ZFC3H1: variants seen among roughly 807,000 people sequenced by gnomAD.
ZFC3H1 encodes the protein zinc finger C3H1-type containing.
Under a neutral mutation model 243.7 loss-of-function variants are expected in ZFC3H1, and 71 were observed. The ratio of observed to expected loss-of-function variants is 0.29; its 90% CI spans 0.24 to 0.36. The LOEUF (loss-of-function observed/expected upper bound fraction) is 0.36. Ranked by LOEUF, ZFC3H1 falls within the 10% of genes least tolerant of loss-of-function variation. The probability of loss-of-function intolerance (pLI) is 1.00; values close to 1 mark genes in which losing one functional copy is unlikely to be tolerated. For missense variants in ZFC3H1, 1,966 were observed against 2,317.1 expected (o/e 0.85, Z 3.11); for synonymous variants, 838 against 813.0 (o/e 1.03, Z -0.52).
chr12:71,646,829 C>T (rs746141296), intron 3 of ZFC3H1, among the ~76,000 whole-genome samples: 26 of 152,192 alleles, frequency 1.7e-4, no homozygotes, highest in South Asian at 2.1e-4. Context: ...CTATATGCTA[C>T]GTGAGGTAGC....
Position 71,656,552 on chromosome 12 carries a change from G to A in ZFC3H1, c.1015+333C>T, listed in dbSNP as rs75740654. ...ATAGGAGTAAAACCCTCCTTTACCC[G>A]ATAAGGGATACCTACAAAAAAATTA... On this transcript the variant is annotated intron_variant, in intron 2 of 34. Coordinates refer to ENST00000378743, the MANE Select transcript of ZFC3H1 (RefSeq NM_144982.5). 6,476 of 653,392 alleles carry A rather than the reference G, an allele frequency of 9.9e-3. 277 individuals carry two copies. The African/African-American group carries it at 0.1, about 10-fold the overall frequency. The allele number at this position is 653,392 out of a possible 1,614,324, so 40.5% of individuals were successfully genotyped here. A position where few individuals can be genotyped will look rare whatever the true frequency, so the allele number is the denominator to read the frequency against.
chr12:71,656,294 A>G lies in ZFC3H1; in HGVS notation c.1015+591T>C, dbSNP rs1042524338. ...TTAAAAGATAAATTTTACTGTATAT[A>G]AATTATATCTTAATAAAGAGGAAAA... is the stretch of plus-strand genomic sequence containing the variant. On this transcript the variant is annotated intron_variant, in intron 2 of 34. Coordinates refer to ENST00000378743, the MANE Select transcript of ZFC3H1 (RefSeq NM_144982.5). 11 of 352,968 alleles carry G rather than the reference A, an allele frequency of 3.1e-5. 1 individual carries two copies. In the Admixed American group the frequency reaches 3.6e-4, roughly 11 times the overall value. 21.9% of individuals were successfully genotyped at this position (352,968 alleles called of 1,614,324 possible). A position where few individuals can be genotyped will look rare whatever the true frequency, so the allele number is the denominator to read the frequency against.
At chr12:71,621,572 C>T (rs1880029978) in intron 24 of ZFC3H1, among the ~76,000 whole-genome samples, 2 of 152,202 alleles carry the variant, frequency 1.3e-5, no homozygotes, top group South Asian at 2.1e-4. Flanking sequence ...TTATCAAGTG[C>T]TGGGATTACA....
rs760068300 is a variant in ZFC3H1, at chr12:71,638,503, A to G, written c.1640T>C (p.Val547Ala). 1.9e-6 allele frequency: 3 copies of G among 1,610,242 alleles called. No homozygotes were observed. The highest frequency in any genetic ancestry group is 4.5e-5 in the East Asian group (2 of 44,744). Residue 547 changes from valine (V) to alanine (A), a missense_variant, in exon 7 of 35, where the codon GTG becomes GCG. Around this residue, in one of 4 missense-constraint regions of ZFC3H1, gnomAD observed 1,383 missense variants for 1,723.7 expected, o/e 0.80. Transcript: ENST00000378743. ...SETSSPAPSP[V>A]QPPFFSECSL... ...ACATTCAGAGAAAAATGGCGGTTGC[A>G]CTGGTGAAGGAGCTGTAAAAAAATT...
chr12:71,652,491 G>A (rs907322136), intron 2 of ZFC3H1, among the ~76,000 whole-genome samples: 23 of 152,086 alleles, frequency 1.5e-4, no homozygotes, highest in African/African-American at 5.3e-4. Flanking sequence ...TAATCTCAAT[G>A]CCCTTAAAAA....
Position 71,640,269 on chromosome 12 carries a change from G to A in ZFC3H1, c.1628-1754C>T, listed in dbSNP as rs144462367. Among the ~76,000 whole-genome samples the A allele has an allele frequency of 1.1e-4, 17 of 152,288 alleles. No individual in the cohort carries two copies. In the East Asian group the frequency reaches 2.3e-3, roughly 21 times the overall value. ...ACTGCTGACCTCAGGTGATCCTCCC[G>A]CCTCGGCCTCCCAAAAGTTCTGGGA... On this transcript the variant is annotated intron_variant, in intron 6 of 34. Transcript: ENST00000378743.
In ZFC3H1 at chr12:71,629,001, C is replaced by T; in HGVS notation, c.3863G>A (p.Trp1288Ter). 6.2e-7 allele frequency: 1 copy of T among 1,612,958 alleles called. No individual in the cohort carries two copies. Among genetic ancestry groups the T allele is most frequent in the Non-Finnish European group, 8.5e-7 (1 of 1,179,644 alleles). ...AGGTTTTCTCCAAAACTTTGGCTTC[C>T]ACTTTCTTTTATCTTTGTAGGTTGT... Reference protein sequence around the residue: ...PFTTYKDKRKWKPKFWRKPIS... With the variant: ...PFTTYKDKRK The change falls in exon 20 of 35, where the codon TGG (tryptophan) becomes TAG (stop). Residue 1288 changes from tryptophan to a stop codon, truncating the protein, a stop_gained. Transcript: ENST00000378743. LOFTEE classifies it high-confidence loss of function.
chr12:71,614,464 A>G, intron 30 of ZFC3H1, 71 bp downstream of exon 30: 3 of 1,375,724 alleles, frequency 2.2e-6, no homozygotes, highest in Non-Finnish European at 2.9e-6. Flanking sequence ...ATAAAACAGG[A>G]GTTTTGCTAT....
At chr12:71,626,870 G>A (rs1240513168) in intron 21 of ZFC3H1, among the ~76,000 whole-genome samples, 2 of 152,120 alleles carry the variant, frequency 1.3e-5, no homozygotes, top group African/African-American at 2.4e-5. Context: ...TCTTTTCAAC[G>A]GTCAAGGGCT....
At position 71,610,545 on chromosome 12, in the gene ZFC3H1, T is replaced by C. The variant is rs184313013; in HGVS notation, c.5853A>G (p.Ser1951=). The C allele has an allele frequency of 1.7e-5, 27 of 1,613,486 alleles. No homozygotes were observed. In the African/African-American group the frequency reaches 3.6e-4, roughly 22 times the overall value. ...LWKDQLLFEA[S]EGGKTDNLRK... ...TCAGGTTATCAGTTTTACCTCCTTC[T>C]GATGCTTCAAACAAGAGTTGCTGTA... The change falls in exon 35 of 35, where the codon TCA becomes TCG. Residue 1951 remains serine, a synonymous_variant. Coordinates refer to ENST00000378743, the MANE Select transcript of ZFC3H1 (RefSeq NM_144982.5).
At chr12:71,640,345 A>G (rs1880569955) in intron 6 of ZFC3H1, among the ~76,000 whole-genome samples, 1 of 152,202 alleles carries the variant, frequency 6.6e-6, no homozygotes. Flanking sequence ...TAACACAGGA[A>G]AGAAGCTGAC....
At position 71,610,215 on chromosome 12, in the gene ZFC3H1, A is replaced by G. The variant is rs575679376; in HGVS notation, c.*213T>C. 1.2e-3 allele frequency: 588 copies of G among 493,216 alleles called. 20 individuals are homozygous for G. The South Asian group carries it at 0.02, about 16-fold the overall frequency. 30.6% of individuals were successfully genotyped at this position (493,216 alleles called of 1,614,324 possible). On this transcript the variant is annotated 3_prime_UTR_variant, in exon 35 of 35. Transcript: ENST00000378743. ...TTATGAGAATCTGGCAGGGCCTAGA[A>G]GCAGGCCAAACAGGAAGTTCATTTA...
chr12:71,617,542 T>A (rs779668015), intron 27 of ZFC3H1, among the ~76,000 whole-genome samples: 1 of 152,212 alleles, frequency 6.6e-6, no homozygotes, highest in Non-Finnish European at 1.5e-5. Context: ...GATCTTTCAT[T>A]AGTTACCAAG....
At position 71,663,242 on chromosome 12, in the gene ZFC3H1, T is replaced by A. The variant is rs948294586; in HGVS notation, c.369A>T (p.Ser123=). 1.9e-6 allele frequency: 3 copies of A among 1,613,748 alleles called. No homozygotes were observed. The highest frequency in any genetic ancestry group is 8.5e-7 in the Non-Finnish European group (1 of 1,180,036). The change falls in exon 1 of 35, where the codon TCA becomes TCT. Residue 123 remains serine, a synonymous_variant. Transcript: ENST00000378743. ...HPPSVRMPSS[S]LSESSPRPSF... ...ACGGCCGGGGACTGCTTTCGGACAG[T>A]GAGCTCGAAGGCATCCGTACAGAAG...
At chr12:71,628,653 A>C (rs1193197265) in intron 20 of ZFC3H1, among the ~76,000 whole-genome samples, 1 of 152,226 alleles carries the variant, frequency 6.6e-6, no homozygotes, top group Non-Finnish European at 1.5e-5. Context: ...TATGTTTGGA[A>C]ATATCTGAAG....
At chr12:71,634,652 G>T in intron 11 of ZFC3H1, 52 bp downstream of exon 11, 4 of 1,538,368 alleles carry the variant, frequency 2.6e-6, no homozygotes, top group Non-Finnish European at 2.6e-6. Context: ...TATAAGAGAA[G>T]TTTTGAAAAC....
In ZFC3H1 at chr12:71,632,534, C is replaced by G. The variant is rs1381358677; in HGVS notation, c.2818-20G>C. ...GTTTGGCTAAGGGAGAAAAATGATA[C>G]ACGTATTTTACATCACTGTGATTTT... On this transcript the variant is annotated intron_variant, in intron 14 of 34. Transcript: ENST00000378743. The G allele has an allele frequency of 6.5e-7, 1 of 1,526,976 alleles. No individual in the cohort carries two copies. The highest frequency in any genetic ancestry group is 8.7e-7 in the Non-Finnish European group (1 of 1,150,752). 94.6% of individuals were successfully genotyped at this position (1,526,976 alleles called of 1,614,324 possible).
chr12:71,620,637 C>T (rs76822244), intron 24 of ZFC3H1, among the ~76,000 whole-genome samples: 8,846 of 151,800 alleles, frequency 0.058, 361 homozygotes, highest in South Asian at 0.087. Context: ...AAATCCATCT[C>T]AACAAAAAAA....
At chr12:71,624,580 G>A (rs528721602) in intron 22 of ZFC3H1, among the ~76,000 whole-genome samples, 1 of 152,240 alleles carries the variant, frequency 6.6e-6, no homozygotes, top group South Asian at 2.1e-4. Flanking sequence ...AAGGTAAATC[G>A]CAGCAAGATC....
Sources: allele counts gnomAD v4.1 joint callset (sites outside exome capture counted in the v4.1 genomes callset), GRCh38; gene constraint gnomAD v4.1.1; regional missense constraint gnomAD v4.1.1; transcripts MANE v1.5; gene names NCBI Gene and HGNC (gene_info 2026-07-23, HGNC 2026-07-21).